Variants in PPM1N observed in about 807,000 individuals in gnomAD.
The protein encoded by PPM1N is protein phosphatase, Mg2+/Mn2+ dependent 1N (putative).
In PPM1N, 35 loss-of-function variants were observed where a neutral mutation model predicts 32.6. The ratio of observed to expected loss-of-function variants is 1.07; its 90% confidence interval spans 0.82 to 1.43. The LOEUF (loss-of-function observed/expected upper bound fraction) is 1.43. Among genes scored for constraint, PPM1N ranks in the 40% most tolerant of loss-of-function variants. The pLI, the probability that PPM1N is intolerant of heterozygous loss-of-function variation, is 0.00. For missense variants in PPM1N, 648 were observed against 606.6 expected, an observed-to-expected ratio of 1.07 and a Z score of -0.72; for synonymous variants, 275 against 270.5, an observed-to-expected ratio of 1.02 and a Z score of -0.16.
At chr19:45,499,515 T>C in intron 1 of PPM1N, 104 bp downstream of exon 1, 1 of 1,561,856 alleles carries the variant, frequency 6.4e-7, no homozygotes, top group Non-Finnish European at 8.7e-7. Flanking sequence ...AGAGTAAAGC[T>C]AGCAAAGGAG....
chr19:45,501,527 G>A (rs1426267018), intron 4 of PPM1N, among the ~76,000 whole-genome samples: 1 of 152,172 alleles, frequency 6.6e-6, no homozygotes, highest in African/African-American at 2.4e-5. Context: ...TGAGTCGTGA[G>A]AGATGGAAGC....
At position 45,500,576 on chromosome 19, in the gene PPM1N, G is replaced by A. The variant is rs367895764; in HGVS notation, c.1163+15G>A. ...CTGGACTGCAAGTGAGTTGGGGTGA[G>A]GAAGGGTGGGGTGGAATGAGGGTGG... On this transcript the variant is annotated intron_variant, in intron 3 of 4. Transcript: ENST00000451287. 8 of 1,600,922 alleles carry A rather than the reference G, an allele frequency of 5.0e-6. 1 individual carries two copies. Among genetic ancestry groups the A allele is most frequent in the South Asian group, 4.5e-5 (4 of 89,202 alleles).
Position 45,500,550 on chromosome 19 carries a change from G to A in PPM1N, c.1152G>A (p.Gly384=). 6.2e-7 allele frequency: 1 copy of A among 1,609,738 alleles called. No homozygotes were observed. The highest frequency in any genetic ancestry group is 2.2e-5 in the East Asian group (1 of 44,808). Residue 384 remains glycine, a synonymous_variant, in exon 3 of 5, where the codon GGG becomes GGA. Transcript: ENST00000451287. ...EDIPDLPPGG[G]LDCKATVIAE... is the part of the protein sequence containing the mutation. ...TCCCAGATTTACCTCCTGGGGGAGG[G>A]CTGGACTGCAAGTGAGTTGGGGTGA...
chr19:45,500,706 G>T lies in PPM1N; in HGVS notation c.1220G>T (p.Gly407Val), dbSNP rs772366695. 2.5e-6 allele frequency: 4 copies of T among 1,597,772 alleles called. No individual in the cohort carries two copies. The highest frequency in any genetic ancestry group is 3.4e-6 in the Non-Finnish European group (4 of 1,172,416). Reference protein sequence around the residue: ...SQICQVSEECGEKGQDGAGKS... With the variant: ...SQICQVSEECVEKGQDGAGKS... ...ATCTGCCAGGTCTCAGAAGAGTGCGGAGAGGTAAGGATCCTGTGTTCTCCA... is the reference window on the plus strand; with the variant it reads ...ATCTGCCAGGTCTCAGAAGAGTGCGTAGAGGTAAGGATCCTGTGTTCTCCA... The change falls in exon 4 of 5, where the codon GGA (glycine) becomes GTA (valine). Residue 407 changes from glycine (G) to valine (V), a missense_variant. Physicochemically the swap from Gly to Val is moderately radical, Grantham distance 109 (BLOSUM62 -3). Coordinates refer to ENST00000451287, the MANE Select transcript of PPM1N (RefSeq NM_001080401.2).
rs1243219388 is a variant in PPM1N, at chr19:45,499,376, C to CCAA, written c.904_905insCAA (p.Leu302delinsProIle). The CCAA allele has an allele frequency of 6.2e-7, 1 of 1,607,834 alleles. No homozygotes were observed. Among genetic ancestry groups the CCAA allele is most frequent in the African/African-American group, 1.3e-5 (1 of 74,774 alleles). Reference sequence around the variant, plus strand: ...CCGCTTGGGCCTGGCCCCAGAGCTTCTCTGCGCGCAGCTGTTGGACACGTG... The same window carrying CCAA: ...CCGCTTGGGCCTGGCCCCAGAGCTTCCAATCTGCGCGCAGCTGTTGGACACGTG... On this transcript the variant is annotated protein_altering_variant, in exon 1 of 5. Coordinates refer to ENST00000451287, the MANE Select transcript of PPM1N (RefSeq NM_001080401.2).
Position 45,499,389 on chromosome 19 carries a change from T to A in PPM1N, c.917T>A (p.Leu306Gln), listed in dbSNP as rs1968371187. 3.7e-6 allele frequency: 6 copies of A among 1,605,958 alleles called. No individual in the cohort carries two copies. In the East Asian group the frequency reaches 1.3e-4, roughly 36 times the overall value. ...GLAPELLCAQ[L>Q]LDTCLCKGSL... ...GCCCCAGAGCTTCTCTGCGCGCAGC[T>A]GTTGGACACGTGTCTGTGCAAGGTC... Residue 306 changes from leucine to glutamine, a missense_variant, in exon 1 of 5, where the codon CTG (leucine) becomes CAG (glutamine). Leu to Gln is a moderately radical substitution (Grantham distance 113, BLOSUM62 -2). Transcript: ENST00000451287.
rs111315687 is a variant in PPM1N at position 45,499,421 on chromosome 19, G to A, written c.939+10G>A. 966 of 1,597,440 alleles carry A rather than the reference G, an allele frequency of 6.0e-4. 8 individuals carry two copies. In the African/African-American group the frequency reaches 0.011, roughly 18 times the overall value. ...CACGTGTCTGTGCAAGGTCCTGGGG[G>A]CGTGGCGTGGTACCTTTGGGGCTTG... On this transcript the variant is annotated intron_variant, in intron 1 of 4. Coordinates refer to ENST00000451287, the MANE Select transcript of PPM1N (RefSeq NM_001080401.2).
intron 1 of PPM1N, 141 bp downstream of exon 1, chr19:45,499,552 G>A: frequency 6.4e-6 from 10 of 1,550,444 alleles, no homozygotes; most frequent in Non-Finnish European, 7.8e-6. Context: ...GAAGGGCGTG[G>A]CCTGAAGTGG....
rs1335511565 is a variant in PPM1N, at chr19:45,498,954, G to A, written c.482G>A (p.Gly161Asp). ...LRSLWPRVET[G>D]GCTAVVLLVS... ...TCCCTCTGGCCCCGCGTGGAAACGGGCGGCTGCACGGCCGTGGTGTTGCTG... is the reference window on the plus strand; with the variant it reads ...TCCCTCTGGCCCCGCGTGGAAACGGACGGCTGCACGGCCGTGGTGTTGCTG... Residue 161 changes from glycine (G) to aspartate (D), a missense_variant, in exon 1 of 5, where the codon GGC becomes GAC. Gly to Asp is a moderately conservative substitution (Grantham distance 94). Transcript: ENST00000451287. 1.3e-6 allele frequency: 2 copies of A among 1,554,942 alleles called. No homozygotes were observed. The highest frequency in any genetic ancestry group is 1.7e-6 in the Non-Finnish European group (2 of 1,159,744).
chr19:45,499,610 G>A (rs966021982), intron 1 of PPM1N, 199 bp downstream of exon 1: 1 of 1,549,450 alleles, frequency 6.5e-7, no homozygotes, highest in Non-Finnish European at 8.7e-7. Context: ...TTTGAGGCAC[G>A]GGAGAGTTAG....
Position 45,502,321 on chromosome 19 carries a change from AAAAAAAAAAAAAAC to A in PPM1N, c.*244_*257del, listed in dbSNP as rs1968429803. 3 of 537,554 alleles carry A rather than the reference AAAAAAAAAAAAAAC, an allele frequency of 5.6e-6. No individual in the cohort carries two copies. Among genetic ancestry groups the A allele is most frequent in the Non-Finnish European group, 9.6e-6 (3 of 310,974 alleles). The allele number at this position is 537,554 out of a possible 1,614,324, so 33.3% of individuals were successfully genotyped here. A position where few individuals can be genotyped will look rare whatever the true frequency, so the allele number is the denominator to read the frequency against. On this transcript the variant is annotated 3_prime_UTR_variant, in exon 5 of 5. Transcript: ENST00000451287. ...AAAGCCCAAATCGAAAAAAAAAAAA[AAAAAAAAAAAAAAC>A]AAAAAAACCCAACCAAATGTTTTTG...
rs1393142853 is a variant in PPM1N at position 45,499,414 on chromosome 19, C to G, written c.939+3C>G. On this transcript the variant is annotated splice_donor_region_variant and intron_variant, in intron 1 of 4. Transcript: ENST00000451287. ...TGTTGGACACGTGTCTGTGCAAGGT[C>G]CTGGGGGCGTGGCGTGGTACCTTTG... 6.3e-7 allele frequency: 1 copy of G among 1,599,650 alleles called. No individual in the cohort carries two copies. Among genetic ancestry groups the G allele is most frequent in the Non-Finnish European group, 8.5e-7 (1 of 1,173,198 alleles).
chr19:45,500,603 G>A lies in PPM1N; in HGVS notation c.1163+42G>A, dbSNP rs1473549597. 1.9e-6 allele frequency: 3 copies of A among 1,588,438 alleles called. No individual in the cohort carries two copies. In the South Asian group the frequency reaches 3.4e-5, roughly 18 times the overall value. ...AAGGGTGGGGTGGAATGAGGGTGGG[G>A]TGGAAGGAGGAGAGTCCCCTCCTGA... is the stretch of plus-strand genomic sequence containing the variant. On this transcript the variant is annotated intron_variant, in intron 3 of 4. Transcript: ENST00000451287.
rs745905149 is a variant in PPM1N, at chr19:45,500,578, A to AAGGGTGGGGTGGAATG, written c.1163+32_1164-42dup. 6.3e-7 allele frequency: 1 copy of AAGGGTGGGGTGGAATG among 1,595,682 alleles called. No individual in the cohort carries two copies. The highest frequency in any genetic ancestry group is 1.7e-5 in the Admixed American group (1 of 58,252). On this transcript the variant is annotated intron_variant, in intron 3 of 4. Coordinates refer to ENST00000451287, the MANE Select transcript of PPM1N (RefSeq NM_001080401.2). The stretch of plus-strand genomic sequence containing the variant: ...GGACTGCAAGTGAGTTGGGGTGAGG[A>AAGGGTGGGGTGGAATG]AGGGTGGGGTGGAATGAGGGTGGGG...
At position 45,500,469 on chromosome 19, in the gene PPM1N, T is replaced by C. The variant is rs772301637; in HGVS notation, c.1071T>C (p.Ser357=). Residue 357 remains serine (S), a synonymous_variant, in exon 3 of 5, where the codon TCT becomes TCC. Transcript: ENST00000451287. ...LGCRIAELCA[S]AQKPPSLNTV... is the part of the protein sequence containing the mutation. ...ACTCTTTCTCAGAACTGTGTGCCTC[T>C]GCTCAGAAGCCCCCCAGCCTGAACA... The C allele has an allele frequency of 2.5e-5, 41 of 1,608,564 alleles. No homozygotes were observed. The South Asian group carries it at 4.3e-4, about 17-fold the overall frequency.
At chr19:45,499,610 G>C (rs966021982) in intron 1 of PPM1N, 199 bp downstream of exon 1, 2 of 1,549,450 alleles carry the variant, frequency 1.3e-6, no homozygotes, top group Non-Finnish European at 1.7e-6. Context: ...TTTGAGGCAC[G>C]GGAGAGTTAG....
chr19:45,498,889 G>C lies in PPM1N; in HGVS notation c.417G>C (p.Ala139=), dbSNP rs780694476. The change falls in exon 1 of 5, where the codon GCG becomes GCC. Residue 139 remains alanine, a synonymous_variant. Coordinates refer to ENST00000451287, the MANE Select transcript of PPM1N (RefSeq NM_001080401.2). The part of the protein sequence containing the change: ...EPSEPEGVRE[A]LRRAFLSADE... ...GCGAGCCCGAGGGCGTGCGCGAGGC[G>C]CTGCGCCGAGCCTTCTTGAGCGCCG... 7.2e-6 allele frequency: 11 copies of C among 1,518,518 alleles called. No individual in the cohort carries two copies. The South Asian group carries it at 1.2e-4, about 17-fold the overall frequency. 94.1% of individuals were successfully genotyped at this position (1,518,518 alleles called of 1,614,324 possible).
At chr19:45,499,575 T>C (rs769285466) in intron 1 of PPM1N, 164 bp downstream of exon 1, 2 of 1,549,506 alleles carry the variant, frequency 1.3e-6, no homozygotes, top group South Asian at 2.4e-5. Flanking sequence ...AGGGCCAAAA[T>C]ACAGGGGCGG....
intron 1 of PPM1N, 28 bp from the exon 2 acceptor site, chr19:45,499,921 C>T (rs1484600976): frequency 1.9e-6 from 3 of 1,553,446 alleles, no homozygotes; most frequent in East Asian, 2.4e-5. Flanking sequence ...TCTCCCCCAC[C>T]GGGCTCCTTT....
Sources: gnomAD v4.1 joint callset for allele counts (sites outside exome capture counted in the v4.1 genomes callset) on GRCh38, gnomAD v4.1.1 for gene constraint, MANE v1.5 for transcripts, NCBI Gene and HGNC (gene_info 2026-07-23, HGNC 2026-07-21) for gene names.